The following NOS1AP variants were observed in gnomAD, a reference collection of about 807,000 sequenced individuals.
NOS1AP encodes the protein nitric oxide synthase 1 adaptor protein, also known as carboxyl-terminal PDZ ligand of neuronal nitric oxide synthase protein.
A neutral mutation model predicts 56.2 loss-of-function variants in NOS1AP; 21 were observed. The observed-to-expected ratio is 0.37, with a 90% CI of 0.26 to 0.54. The LOEUF is 0.54. NOS1AP is among the 20% of genes least tolerant of loss of function. The probability of loss-of-function intolerance (pLI) is 0.84; values close to 1 mark genes in which losing one functional copy is unlikely to be tolerated. For synonymous variants in NOS1AP, 270 were observed against 274.6 expected (o/e 0.98, Z 0.17); for missense variants, 522 against 657.8 (o/e 0.79, Z 2.26).
At chr1:162,268,189 G>A (rs12723848) in intron 2 of NOS1AP, among the ~76,000 whole-genome samples, 57,267 of 151,416 alleles carry the variant, frequency 0.38, 13,746 homozygotes, top group Non-Finnish European at 0.54. Context: ...AACCCAGGAG[G>A]CAAAGGTTGC....
intron 2 of NOS1AP, among the ~76,000 whole-genome samples, chr1:162,245,172 TA>T (rs1571157179): frequency 6.6e-6 from 1 of 152,150 alleles, no homozygotes; most frequent in African/African-American, 2.4e-5. Context: ...ATAAAGAACT[TA>T]AAAAAATTAA....
At chr1:162,305,051 T>TA (rs1474302319) in intron 4 of NOS1AP, among the ~76,000 whole-genome samples, 2 of 152,194 alleles carry the variant, frequency 1.3e-5, no homozygotes, top group Admixed American at 6.5e-5. Flanking sequence ...TTTAATTTTT[T>TA]ATTAAGTCAA....
chr1:162,195,544 A>T lies in NOS1AP; in HGVS notation c.177+41068A>T, dbSNP rs140229920. ...TTCTCTAGCTGACTTTTTATTTTTTAAATTTGTTCCTCTTCTGCAATGCTC... is the reference window on the plus strand; with the variant it reads ...TTCTCTAGCTGACTTTTTATTTTTTTAATTTGTTCCTCTTCTGCAATGCTC... On this transcript the variant is annotated intron_variant, in intron 2 of 9. Coordinates refer to ENST00000361897, the MANE Select transcript of NOS1AP (RefSeq NM_014697.3). Among the ~76,000 whole-genome samples the T allele has an allele frequency of 3.3e-3, 497 of 152,266 alleles. 1 individual carries two copies. Among genetic ancestry groups the T allele is most frequent in the Middle Eastern group, 0.017 (5 of 294 alleles).
intron 3 of NOS1AP, among the ~76,000 whole-genome samples, chr1:162,297,254 A>G (rs1057258848): frequency 1.3e-5 from 2 of 152,182 alleles, no homozygotes; most frequent in Non-Finnish European, 2.9e-5. Flanking sequence ...CACTTTGCAA[A>G]TCACACCAGA....
intron 1 of NOS1AP, among the ~76,000 whole-genome samples, chr1:162,144,421 A>C (rs1214266735): frequency 6.6e-6 from 1 of 152,130 alleles, no homozygotes; most frequent in Non-Finnish European, 1.5e-5. Context: ...AGGTCACTTA[A>C]ACTCTGTCAT....
At chr1:162,179,831 G>A (rs189939868) in intron 2 of NOS1AP, among the ~76,000 whole-genome samples, 7 of 152,314 alleles carry the variant, frequency 4.6e-5, no homozygotes, top group Non-Finnish European at 1.0e-4. Flanking sequence ...CCTGCTGGTA[G>A]TAGTGACCTA....
chr1:162,347,399 G>A (rs1425687112), intron 6 of NOS1AP, among the ~76,000 whole-genome samples: 3 of 152,208 alleles, frequency 2.0e-5, no homozygotes, highest in South Asian at 2.1e-4. Flanking sequence ...GAGTGAAAGC[G>A]GTTGGACGCA....
At chr1:162,125,624 T>C (rs570546466) in intron 1 of NOS1AP, among the ~76,000 whole-genome samples, 1 of 152,210 alleles carries the variant, frequency 6.6e-6, no homozygotes, top group South Asian at 2.1e-4. Flanking sequence ...TTCTGTTCCA[T>C]TGATGTGTGT....
At chr1:162,212,162 G>A (rs1233470399) in intron 2 of NOS1AP, among the ~76,000 whole-genome samples, 1 of 152,146 alleles carries the variant, frequency 6.6e-6, no homozygotes, top group Non-Finnish European at 1.5e-5. Flanking sequence ...GACAGGACAG[G>A]GACAGGAAAA....
Position 162,233,239 on chromosome 1 carries a change from G to C in NOS1AP, c.178-54105G>C, listed in dbSNP as rs16858846. Reference sequence around the variant, plus strand: ...CATTGAGCTATATATGGAACCCCTGGTGTTGCTCATCCTCATGGCCAAAGC... The same window carrying C: ...CATTGAGCTATATATGGAACCCCTGCTGTTGCTCATCCTCATGGCCAAAGC... On this transcript the variant is annotated intron_variant, in intron 2 of 9. Transcript: ENST00000361897. Among the ~76,000 whole-genome samples, 2,950 of 152,214 alleles carry C rather than the reference G, an allele frequency of 0.019. 191 individuals carry two copies. In the East Asian group the frequency reaches 0.24, roughly 13 times the overall value.
intron 1 of NOS1AP, among the ~76,000 whole-genome samples, chr1:162,133,594 A>G (rs1648851037): frequency 6.6e-6 from 1 of 152,226 alleles, no homozygotes; most frequent in African/African-American, 2.4e-5. Flanking sequence ...TACATGATAG[A>G]TGAATCTGTT....
Position 162,369,433 on chromosome 1 carries a change from G to T in NOS1AP, c.*1966G>T, listed in dbSNP as rs567926605. On this transcript the variant is annotated 3_prime_UTR_variant, in exon 10 of 10. Coordinates refer to ENST00000361897, the MANE Select transcript of NOS1AP (RefSeq NM_014697.3). Reference sequence around the variant, plus strand: ...AGTCCAAGACCACTTAGATTATTAAGATTTTGAACGTCCAGAGGAGTGAAA... The same window carrying T: ...AGTCCAAGACCACTTAGATTATTAATATTTTGAACGTCCAGAGGAGTGAAA... 6.8e-6 allele frequency: 1 copy of T among 147,644 alleles called. No individual in the cohort carries two copies. The highest frequency in any genetic ancestry group is 2.2e-4 in the South Asian group (1 of 4,478). 9.1% of individuals were successfully genotyped at this position (147,644 alleles called of 1,614,324 possible).
intron 2 of NOS1AP, among the ~76,000 whole-genome samples, chr1:162,270,795 T>G (rs1014141132): frequency 5.9e-5 from 9 of 152,228 alleles, no homozygotes; most frequent in Non-Finnish European, 7.3e-5. Flanking sequence ...CACATGGAAC[T>G]CCAACTTATT....
intron 2 of NOS1AP, among the ~76,000 whole-genome samples, chr1:162,162,019 A>C (rs985392382): frequency 1.1e-4 from 16 of 152,244 alleles, no homozygotes; most frequent in African/African-American, 3.4e-4. Context: ...TGTATGTTCA[A>C]GTGTCTGAGA....
In NOS1AP at chr1:162,242,831, A is replaced by G. The variant is rs565944701; in HGVS notation, c.178-44513A>G. 9.2e-5 allele frequency among the ~76,000 whole-genome samples: 14 copies of G among 152,262 alleles called. No individual in the cohort carries two copies. In the South Asian group the frequency reaches 2.5e-3, roughly 27 times the overall value. On this transcript the variant is annotated intron_variant, in intron 2 of 9. Transcript: ENST00000361897. ...TTGCTAGTCTTCAGCAGTGAGCATA[A>G]AACCTTCAGCTATCTCCTAGATTTT...
chr1:162,230,077 A>G (rs1653074938), intron 2 of NOS1AP, among the ~76,000 whole-genome samples: 1 of 152,186 alleles, frequency 6.6e-6, no homozygotes, highest in Admixed American at 6.5e-5. Flanking sequence ...GAGAGTGTCC[A>G]AGGAAGAATA....
chr1:162,226,272 AAAAAG>A lies in NOS1AP; in HGVS notation c.178-61048_178-61044del, dbSNP rs549484037. On this transcript the variant is annotated intron_variant, in intron 2 of 9. Transcript: ENST00000361897. Reference sequence around the variant, plus strand: ...CCCACCATTAGACTCCAGCCTCCAAAAAAAGAAAAGAAAAGAAAAGAAAAGAAATG... The same window carrying A: ...CCCACCATTAGACTCCAGCCTCCAAAAAAAGAAAAGAAAAGAAAAGAAATG... Among the ~76,000 whole-genome samples the A allele has an allele frequency of 3.1e-3, 469 of 152,222 alleles. 1 individual carries two copies. The highest frequency in any genetic ancestry group is 3.8e-3 in the African/African-American group (156 of 41,544).
rs193302100 is a variant in NOS1AP, at chr1:162,258,584, A to T, written c.178-28760A>T. ...CCCCTGGCTTAACTCCCAGCTCCAG[A>T]TATTTCTCTCCCCATGGGCTGAACC... On this transcript the variant is annotated intron_variant, in intron 2 of 9. Transcript: ENST00000361897. 3.3e-3 allele frequency among the ~76,000 whole-genome samples: 501 copies of T among 152,232 alleles called. 4 individuals carry two copies. Among genetic ancestry groups the T allele is most frequent in the Middle Eastern group, 3.4e-3 (1 of 294 alleles).
At chr1:162,347,460 A>C (rs1657340853) in intron 6 of NOS1AP, among the ~76,000 whole-genome samples, 1 of 152,240 alleles carries the variant, frequency 6.6e-6, no homozygotes, top group Non-Finnish European at 1.5e-5. Flanking sequence ...ATCACAGAAC[A>C]ACCATCGGAG....
Sources: allele counts gnomAD v4.1 joint callset (sites outside exome capture counted in the v4.1 genomes callset), GRCh38; gene constraint gnomAD v4.1.1; transcripts MANE v1.5; gene names NCBI Gene and HGNC (gene_info 2026-07-23, HGNC 2026-07-21).